The following DMC1 variants were observed in gnomAD, a reference collection of about 807,000 sequenced individuals.
The protein encoded by DMC1 is DNA meiotic recombinase 1.
Under a neutral mutation model 50.1 loss-of-function variants are expected in DMC1, and 27 were observed. The ratio of observed to expected loss-of-function variants is 0.54; its 90% confidence interval spans 0.40 to 0.74. The LOEUF (loss-of-function observed/expected upper bound fraction) is 0.74, where lower values mean the gene tolerates loss of function less well. Among genes scored for constraint, DMC1 ranks in the 30% least tolerant of loss-of-function variants. The probability of loss-of-function intolerance (pLI) is 0.00; values close to 1 mark genes in which losing one functional copy is unlikely to be tolerated. For synonymous variants in DMC1, 148 were observed against 136.1 expected, an observed-to-expected ratio of 1.09 and a Z score of -0.61; for missense variants, 295 against 420.2, an observed-to-expected ratio of 0.70 and a Z score of 2.60.
At chr22:38,512,011 G>A in the DMC1 span, among the ~76,000 whole-genome samples, 1 of 151,588 alleles carries the variant, frequency 6.6e-6, no homozygotes, top group Non-Finnish European at 1.5e-5. Flanking sequence ...GTCTCACTCT[G>A]TCACCCAGGC....
intron 1 of DMC1, among the ~76,000 whole-genome samples, chr22:38,568,972 C>A (rs2090609823): frequency 6.6e-6 from 1 of 152,010 alleles, no homozygotes; most frequent in Non-Finnish European, 1.5e-5. Context: ...ACAGGCAGAT[C>A]ACGAGGTCAG....
At position 38,519,942 on chromosome 22, in the gene DMC1, G is replaced by T. The variant is rs1439389735; in HGVS notation, c.*78C>A. 3 of 1,170,964 alleles carry T rather than the reference G, an allele frequency of 2.6e-6. No homozygotes were observed. Among genetic ancestry groups the T allele is most frequent in the South Asian group, 2.4e-5 (2 of 81,754 alleles). The allele number at this position is 1,170,964 out of a possible 1,614,324, so 72.5% of individuals were successfully genotyped here. ...ATGTGGGAAAAAACCTCTATTTCAA[G>T]ATGTGAAATTGGAGACTGCTTTTCC... On this transcript the variant is annotated 3_prime_UTR_variant, in exon 14 of 14. Coordinates refer to ENST00000216024, the MANE Select transcript of DMC1 (RefSeq NM_007068.4).
chr22:38,541,423 C>G (rs1004894756), intron 8 of DMC1, among the ~76,000 whole-genome samples: 2 of 152,182 alleles, frequency 1.3e-5, no homozygotes, highest in East Asian at 3.9e-4. Flanking sequence ...TCCTGAGTAG[C>G]TGGGACTACA....
chr22:38,556,083 T>G (rs1386287612), intron 5 of DMC1, among the ~76,000 whole-genome samples: 1 of 152,158 alleles, frequency 6.6e-6, no homozygotes, highest in Non-Finnish European at 1.5e-5. Flanking sequence ...CCGCCTGCCT[T>G]GGCTTCCCAA....
intron 5 of DMC1, among the ~76,000 whole-genome samples, chr22:38,559,198 T>C (rs1569169005): frequency 2.0e-5 from 3 of 151,348 alleles, no homozygotes; most frequent in Admixed American, 1.3e-4. Context: ...CCCGGCTAAT[T>C]TTTTGTATTT....
chr22:38,527,289 C>G (rs1452891663), intron 12 of DMC1, among the ~76,000 whole-genome samples: 1 of 152,076 alleles, frequency 6.6e-6, no homozygotes, highest in Non-Finnish European at 1.5e-5. Flanking sequence ...ACTACAGCCT[C>G]CGCCTCCCCA....
In DMC1 at chr22:38,549,908, T is replaced by G. The variant is rs1349917472; in HGVS notation, c.494+17A>C. ...ATATCACACTATTATGTTAGCAACTTTAAATAAAAAGGTTACAAAGTATTT... is the reference window on the plus strand; with the variant it reads ...ATATCACACTATTATGTTAGCAACTGTAAATAAAAAGGTTACAAAGTATTT... On this transcript the variant is annotated intron_variant, in intron 8 of 13. Transcript: ENST00000216024. The G allele has an allele frequency of 1.3e-6, 2 of 1,591,264 alleles. No individual in the cohort carries two copies. The highest frequency in any genetic ancestry group is 2.2e-5 in the South Asian group (2 of 90,492).
At chr22:38,525,791 T>C (rs2090081414) in intron 12 of DMC1, among the ~76,000 whole-genome samples, 1 of 151,692 alleles carries the variant, frequency 6.6e-6, no homozygotes, top group African/African-American at 2.4e-5. Context: ...AATACAACAA[T>C]TATCTGGGCA....
intron 9 of DMC1, among the ~76,000 whole-genome samples, chr22:38,538,905 G>A (rs1025592580): frequency 5.3e-5 from 8 of 151,910 alleles, no homozygotes; most frequent in Admixed American, 2.0e-4. Flanking sequence ...GTGTGGTGGC[G>A]TGTGCCTGTA....
intron 9 of DMC1, among the ~76,000 whole-genome samples, 153 bp from the exon 10 acceptor site, chr22:38,538,765 T>G (rs571567288): frequency 6.6e-6 from 1 of 152,342 alleles, no homozygotes; most frequent in South Asian, 2.1e-4. Flanking sequence ...CAGGGCATGG[T>G]GGCTCATGCC....
chr22:38,565,574 G>A (rs1001487572), intron 4 of DMC1, among the ~76,000 whole-genome samples: 6 of 152,218 alleles, frequency 3.9e-5, no homozygotes, highest in African/African-American at 1.4e-4. Context: ...CTGCCTATGA[G>A]GTAGCCCTGC....
intron 12 of DMC1, among the ~76,000 whole-genome samples, chr22:38,533,898 CT>C (rs2090182661): frequency 6.6e-6 from 1 of 152,120 alleles, no homozygotes; most frequent in Non-Finnish European, 1.5e-5. Context: ...CATCATGTGC[CT>C]CCTGATATGA....
intron 8 of DMC1, among the ~76,000 whole-genome samples, chr22:38,548,990 G>T (rs1344164923): frequency 6.6e-6 from 1 of 152,098 alleles, no homozygotes; most frequent in African/African-American, 2.4e-5. Flanking sequence ...TCTCAAACCT[G>T]TCTTTCCTTT....
intron 8 of DMC1, among the ~76,000 whole-genome samples, chr22:38,547,414 G>A (rs987804734): frequency 6.6e-6 from 1 of 152,222 alleles, no homozygotes; most frequent in African/African-American, 2.4e-5. Flanking sequence ...GGTGAGTACT[G>A]AGCTTGGAGA....
chr22:38,564,709 G>C (rs2090564213), intron 4 of DMC1, among the ~76,000 whole-genome samples: 1 of 152,240 alleles, frequency 6.6e-6, no homozygotes, highest in Admixed American at 6.5e-5. Context: ...TTGAGAAAGA[G>C]AGAGGTTCTT....
At chr22:38,529,840 A>T (rs1437869393) in intron 12 of DMC1, among the ~76,000 whole-genome samples, 1 of 149,562 alleles carries the variant, frequency 6.7e-6, no homozygotes, top group African/African-American at 2.5e-5. Flanking sequence ...CTTGAGGGGC[A>T]TGGGCAAGGG....
chr22:38,567,921 C>T (rs1220076181), intron 2 of DMC1, among the ~76,000 whole-genome samples: 2 of 152,148 alleles, frequency 1.3e-5, no homozygotes, highest in African/African-American at 2.4e-5. Flanking sequence ...ACCCTCTTCC[C>T]CTCCAGATCC....
At chr22:38,543,476 A>G (rs1017399380) in intron 8 of DMC1, among the ~76,000 whole-genome samples, 1 of 151,918 alleles carries the variant, frequency 6.6e-6, no homozygotes, top group African/African-American at 2.4e-5. Flanking sequence ...TGATCCACCC[A>G]CCTCGGCCTC....
intron 6 of DMC1, among the ~76,000 whole-genome samples, chr22:38,554,443 GAA>G (rs540883900): frequency 1.3e-4 from 7 of 52,016 alleles, no homozygotes; most frequent in African/African-American, 3.2e-4. Context: ...CAAGTCAACA[GAA>G]AAAAAAAAAA....
Sources: gnomAD v4.1 joint callset for allele counts (sites outside exome capture counted in the v4.1 genomes callset) on GRCh38, gnomAD v4.1.1 for gene constraint, MANE v1.5 for transcripts, NCBI Gene and HGNC (gene_info 2026-07-23, HGNC 2026-07-21) for gene names.